The following ARPC4 variants were observed in gnomAD, a reference collection of about 807,000 sequenced individuals.
The protein encoded by ARPC4 is actin related protein 2/3 complex subunit 4, also known as actin-related protein 2/3 complex subunit 4.
Under a neutral mutation model 22.8 loss-of-function variants are expected in ARPC4, and 3 were observed. The observed-to-expected ratio is 0.13, with a 90% CI of 0.06 to 0.34. The LOEUF is 0.34. Ranked by LOEUF, ARPC4 falls within the 10% of genes least tolerant of loss-of-function variation. ARPC4 has a pLI of 1.00. For missense variants in ARPC4, 98 were observed against 211.0 expected (o/e 0.46, Z 3.32); for synonymous variants, 80 against 72.5 (o/e 1.10, Z -0.52).
upstream of ARPC4, chr3:9,792,679 AG>A: frequency 8.1e-7 from 1 of 1,233,138 alleles, no homozygotes; most frequent in African/African-American, 1.6e-5. Context: ...CGCTGCAGTT[AG>A]CCCCGCCGAG....
chr3:9,797,026 A>G (rs1265525900), intron 1 of ARPC4, among the ~76,000 whole-genome samples: 8 of 152,080 alleles, frequency 5.3e-5, no homozygotes, highest in Non-Finnish European at 7.4e-5. Flanking sequence ...TTCTTCTGCA[A>G]ATATAGATTA....
rs1040247339 is a variant in ARPC4, at chr3:9,806,296, A to G, written c.*81A>G. On this transcript the variant is annotated 3_prime_UTR_variant, in exon 6 of 6. Transcript: ENST00000397261. ...GGCGTCCTGGAGTCACTCCCCGAGCAGCGCGGCGGCGGCAGGGAGTTGGGT... is the reference window on the plus strand; with the variant it reads ...GGCGTCCTGGAGTCACTCCCCGAGCGGCGCGGCGGCGGCAGGGAGTTGGGT... The G allele has an allele frequency of 2.1e-5, 32 of 1,525,428 alleles. No individual in the cohort carries two copies. In the Middle Eastern group the frequency reaches 5.1e-4, roughly 24 times the overall value. 94.5% of individuals were successfully genotyped at this position (1,525,428 alleles called of 1,614,324 possible).
chr3:9,803,045 G>A (rs909641316), intron 4 of ARPC4, among the ~76,000 whole-genome samples: 6 of 151,954 alleles, frequency 3.9e-5, no homozygotes, highest in East Asian at 1.9e-4. Flanking sequence ...CACCATTCCC[G>A]GCTAATTTTT....
intron 1 of ARPC4, among the ~76,000 whole-genome samples, chr3:9,793,676 C>T (rs907042000): frequency 6.6e-6 from 1 of 152,184 alleles, no homozygotes; most frequent in Non-Finnish European, 1.5e-5. Flanking sequence ...CTGTGTCAGC[C>T]TTAGTGTATG....
chr3:9,799,008 A>G (rs1406752275), intron 2 of ARPC4, among the ~76,000 whole-genome samples: 2 of 152,258 alleles, frequency 1.3e-5, no homozygotes, highest in Non-Finnish European at 2.9e-5. Flanking sequence ...ATGTTAGGAT[A>G]TGCCCTGTTA....
In ARPC4 at chr3:9,799,905, G is replaced by A. The variant is rs755946146; in HGVS notation, c.123-280G>A. On this transcript the variant is annotated intron_variant, in intron 2 of 5. Transcript: ENST00000397261. ...CCTCGCCAGTGAATTAGGAATCAGAGTCATTTTACAGATGAGAAAATTGAG... is the reference window on the plus strand; with the variant it reads ...CCTCGCCAGTGAATTAGGAATCAGAATCATTTTACAGATGAGAAAATTGAG... The A allele has an allele frequency of 7.1e-6, 4 of 563,334 alleles. No homozygotes were observed. The African/African-American group carries it at 7.4e-5, about 10-fold the overall frequency. The allele number at this position is 563,334 out of a possible 1,614,324, so 34.9% of individuals were successfully genotyped here. A position where few individuals can be genotyped will look rare whatever the true frequency, so the allele number is the denominator to read the frequency against.
In ARPC4 at chr3:9,803,829, GTCT is replaced by G. The variant is rs1439206242; in HGVS notation, c.331-8_331-6del. The G allele has an allele frequency of 5.0e-6, 8 of 1,611,824 alleles. No individual in the cohort carries two copies. The highest frequency in any genetic ancestry group is 1.3e-5 in the African/African-American group (1 of 74,874). ...GTTCCTTCTCTTCCCCCTCCCTACT[GTCT>G]TCTTCCCTAGGGGTATGATATCAGC... On this transcript the variant is annotated splice_polypyrimidine_tract_variant and intron_variant, in intron 4 of 5. Coordinates refer to ENST00000397261, the MANE Select transcript of ARPC4 (RefSeq NM_005718.5).
In ARPC4 at chr3:9,793,148, AG is replaced by A. The variant is rs1559723968; in HGVS notation, c.3+27del. 5 of 1,539,280 alleles carry A rather than the reference AG, an allele frequency of 3.2e-6. No homozygotes were observed. The South Asian group carries it at 4.8e-5, about 15-fold the overall frequency. On this transcript the variant is annotated intron_variant, in intron 1 of 5. Coordinates refer to ENST00000397261, the MANE Select transcript of ARPC4 (RefSeq NM_005718.5). ...TGGTGAGAGAGCCGGGCCCCCGGCC[AG>A]GGACCCCCGGCTGTTCGGCCTCAGG... is the stretch of plus-strand genomic sequence containing the variant.
intron 1 of ARPC4, among the ~76,000 whole-genome samples, chr3:9,795,604 T>G (rs1303814403): frequency 6.6e-6 from 1 of 152,242 alleles, no homozygotes; most frequent in African/African-American, 2.4e-5. Flanking sequence ...TACTCATTAC[T>G]ACTCTGGAAC....
intron 5 of ARPC4, 162 bp downstream of exon 5, chr3:9,804,175 A>G (rs1307705492): frequency 1.5e-6 from 1 of 682,906 alleles, no homozygotes; most frequent in South Asian, 2.4e-5. Flanking sequence ...CTTTGGAGCT[A>G]GAGGACCCCA....
chr3:9,799,403 G>A (rs1293374609), intron 2 of ARPC4, among the ~76,000 whole-genome samples: 2 of 151,770 alleles, frequency 1.3e-5, no homozygotes, highest in Non-Finnish European at 2.9e-5. Flanking sequence ...GCTCCAATGA[G>A]GATCTCCTTT....
chr3:9,797,982 G>A, intron 2 of ARPC4: 3 of 570,444 alleles, frequency 5.3e-6, no homozygotes, highest in Non-Finnish European at 9.3e-6. Context: ...CAGGGGAAAA[G>A]ACAAGATTGG....
In ARPC4 at chr3:9,798,868, G is replaced by A. The variant is rs569293154; in HGVS notation, c.122+1091G>A. Among the ~76,000 whole-genome samples the A allele has an allele frequency of 1.0e-4, 13 of 124,526 alleles. 1 individual carries two copies. The South Asian group carries it at 2.4e-3, about 23-fold the overall frequency. The allele number at this position is 124,526 out of a possible 152,430, so 81.7% of individuals were successfully genotyped here. A position where few individuals can be genotyped will look rare whatever the true frequency, so the allele number is the denominator to read the frequency against. ...CAGCCTGGCAGCAGAGCAAGACTTC[G>A]TCTCAAAAATAAAATAAAATAAAAT... On this transcript the variant is annotated intron_variant, in intron 2 of 5. Coordinates refer to ENST00000397261, the MANE Select transcript of ARPC4 (RefSeq NM_005718.5).
intron 4 of ARPC4, among the ~76,000 whole-genome samples, chr3:9,803,253 C>T (rs1339854250): frequency 5.3e-5 from 8 of 152,206 alleles, no homozygotes; most frequent in African/African-American, 1.9e-4. Context: ...CTTGAATCTT[C>T]TCCACAGACT....
intron 4 of ARPC4, chr3:9,803,640 C>T (rs1004013014): frequency 9.0e-5 from 66 of 734,228 alleles, no homozygotes; most frequent in African/African-American, 3.9e-4. Context: ...GAATTCTCAA[C>T]GGGGTTCAGT....
At position 9,797,673 on chromosome 3, in the gene ARPC4, C is replaced by A; in HGVS notation, c.18C>A (p.Arg6=). 1 of 1,614,036 alleles carries A rather than the reference C, an allele frequency of 6.2e-7. No individual in the cohort carries two copies. Among genetic ancestry groups the A allele is most frequent in the Non-Finnish European group, 8.5e-7 (1 of 1,179,952 alleles). The change falls in exon 2 of 6, where the codon CGC becomes CGA. Residue 6 remains arginine (R), a synonymous_variant. Coordinates refer to ENST00000397261, the MANE Select transcript of ARPC4 (RefSeq NM_005718.5). The stretch of plus-strand genomic sequence containing the variant: ...ATTTCCTATAGACTGCCACTCTCCG[C>A]CCCTACCTGAGTGCCGTGCGGGCCA... MTATL[R]PYLSAVRATL...
At chr3:9,805,631 A>C (rs2079092634) in intron 5 of ARPC4, among the ~76,000 whole-genome samples, 2 of 152,222 alleles carry the variant, frequency 1.3e-5, no homozygotes, top group Admixed American at 6.5e-5. Context: ...ATATTGTTTT[A>C]AACACCATGT....
upstream of ARPC4, chr3:9,792,545 C>A (rs2078764656): frequency 1.6e-6 from 2 of 1,226,210 alleles, no homozygotes; most frequent in African/African-American, 1.6e-5. Context: ...TGGAGTTTGC[C>A]GGGGGTGGGA....
intron 1 of ARPC4, among the ~76,000 whole-genome samples, chr3:9,795,263 G>C (rs938241217): frequency 2.0e-5 from 3 of 152,134 alleles, no homozygotes; most frequent in African/African-American, 7.2e-5. Context: ...GCCTCCCAAA[G>C]TGCCGGGATT....
Sources: allele counts gnomAD v4.1 joint callset (sites outside exome capture counted in the v4.1 genomes callset), GRCh38; gene constraint gnomAD v4.1.1; transcripts MANE v1.5; gene names NCBI Gene and HGNC (gene_info 2026-07-23, HGNC 2026-07-21).